Variants in MSL2 observed in about 807,000 individuals in gnomAD.
The protein encoded by MSL2 is E3 ubiquitin-protein ligase MSL2.
A neutral mutation model predicts 35.8 loss-of-function variants in MSL2; 2 were observed. That is an observed-to-expected ratio of 0.06 (90% CI 0.02 to 0.18). MSL2 has a LOEUF of 0.18. Among genes scored for constraint, MSL2 ranks in the 10% least tolerant of loss-of-function variants. The pLI is 1.00. For missense variants in MSL2, 523 were observed against 706.7 expected (o/e 0.74, Z 2.95); for synonymous variants, 296 against 255.7 (o/e 1.16, Z -1.50).
chr3:136,158,954 G>A (rs747075683), intron 1 of MSL2, among the ~76,000 whole-genome samples: 1 of 152,164 alleles, frequency 6.6e-6, no homozygotes, highest in East Asian at 1.9e-4. Flanking sequence ...AAATTAAAGA[G>A]TATCTAAACA....
At chr3:136,177,960 T>G (rs188438771) in intron 1 of MSL2, among the ~76,000 whole-genome samples, 1 of 152,202 alleles carries the variant, frequency 6.6e-6, no homozygotes, top group Non-Finnish European at 1.5e-5. Context: ...TAATTTTGTA[T>G]TGAATCATCT....
chr3:136,168,840 G>A (rs1274458103), intron 1 of MSL2, among the ~76,000 whole-genome samples: 1 of 151,728 alleles, frequency 6.6e-6, no homozygotes, highest in African/African-American at 2.4e-5. Flanking sequence ...AGCAATTACT[G>A]TTCAATGAGA....
At chr3:136,181,556 T>C (rs1248062460) in intron 1 of MSL2, among the ~76,000 whole-genome samples, 3 of 152,026 alleles carry the variant, frequency 2.0e-5, no homozygotes, top group Non-Finnish European at 4.4e-5. Context: ...GGTGAAGAAA[T>C]TGTTCTAAAG....
chr3:136,151,234 T>C lies in MSL2; in HGVS notation c.1647A>G (p.Thr549=). 6.2e-7 allele frequency: 1 copy of C among 1,614,232 alleles called. No individual in the cohort carries two copies. The highest frequency in any genetic ancestry group is 8.5e-7 in the Non-Finnish European group (1 of 1,180,036). The change falls in exon 2 of 2, where the codon ACA becomes ACG. Residue 549 remains threonine (T), a synonymous_variant. Coordinates refer to ENST00000309993, the MANE Select transcript of MSL2 (RefSeq NM_018133.4). This position sits in a 1 kb window ranked among gnomAD's most constrained non-coding sequence, Gnocchi z 5.2. The stretch of plus-strand genomic sequence containing the variant: ...CTAAAAACGTCGTTACTGGGGACCC[T>C]GTGACATTTATTACACTGGTGCTGG... The part of the protein sequence containing the change: ...ASTSTSVINV[T]GSPVTTFLAA...
At chr3:136,194,102 A>T (rs750736117) in intron 1 of MSL2, among the ~76,000 whole-genome samples, 1 of 152,268 alleles carries the variant, frequency 6.6e-6, no homozygotes, top group African/African-American at 2.4e-5. Context: ...AGGATAGAAT[A>T]TTAAGTGGAG....
intron 1 of MSL2, among the ~76,000 whole-genome samples, chr3:136,159,563 G>A (rs1939641563): frequency 6.7e-6 from 1 of 149,598 alleles, no homozygotes; most frequent in East Asian, 2.0e-4. Context: ...GTAGAGACGA[G>A]GTTTCACCGT....
At chr3:136,171,959 T>A (rs1333579426) in intron 1 of MSL2, among the ~76,000 whole-genome samples, 1 of 152,166 alleles carries the variant, frequency 6.6e-6, no homozygotes, top group Non-Finnish European at 1.5e-5. Flanking sequence ...TGCAGTGTCA[T>A]GGCTCATCGT....
At chr3:136,175,359 AGT>A (rs1940144527) in intron 1 of MSL2, among the ~76,000 whole-genome samples, 1 of 147,850 alleles carries the variant, frequency 6.8e-6, no homozygotes, top group Admixed American at 6.7e-5. Flanking sequence ...AAAAAAAAAA[AGT>A]GGGAGAATAC....
At chr3:136,186,472 G>A (rs564603947) in intron 1 of MSL2, among the ~76,000 whole-genome samples, 1 of 152,306 alleles carries the variant, frequency 6.6e-6, no homozygotes, top group Admixed American at 6.5e-5. Flanking sequence ...AAGTGAGCAG[G>A]AAGTGAACTG....
rs779316763 is a variant in MSL2, at chr3:136,149,601, GAAAAA to G, written c.*1541_*1545del. 1.3e-4 allele frequency: 3 copies of G among 23,804 alleles called. No individual in the cohort carries two copies. Among genetic ancestry groups the G allele is most frequent in the African/African-American group, 5.1e-4 (3 of 5,884 alleles). The allele number at this position is 23,804 out of a possible 1,614,324, so 1.5% of individuals were successfully genotyped here. On this transcript the variant is annotated 3_prime_UTR_variant, in exon 2 of 2. Transcript: ENST00000309993. ...CCAAAAGAGACCAAAAAAAAAAAAA[GAAAAA>G]AAAGCCCAACAACAACAACAAAAAC... is the stretch of plus-strand genomic sequence containing the variant.
At chr3:136,176,962 G>A (rs1394903556) in intron 1 of MSL2, among the ~76,000 whole-genome samples, 1 of 152,180 alleles carries the variant, frequency 6.6e-6, no homozygotes, top group Non-Finnish European at 1.5e-5. Context: ...AAAGAGAAAT[G>A]AACTTGAGAC....
At chr3:136,184,307 T>C (rs1337924866) in intron 1 of MSL2, among the ~76,000 whole-genome samples, 1 of 148,324 alleles carries the variant, frequency 6.7e-6, no homozygotes, top group Admixed American at 6.8e-5. Context: ...AAAAAAGAAT[T>C]CTATGGTTCT....
chr3:136,182,729 A>G lies in MSL2; in HGVS notation c.142+12243T>C, dbSNP rs939859044. Among the ~76,000 whole-genome samples the G allele has an allele frequency of 7.2e-5, 11 of 152,238 alleles. No individual in the cohort carries two copies. The South Asian group carries it at 8.3e-4, about 11-fold the overall frequency. On this transcript the variant is annotated intron_variant, in intron 1 of 1. Transcript: ENST00000309993. ...AGACTCCGTCTCAAAAAAAAAAAAA[A>G]AGAGAAAGAAGTCCAGAGTGGTGTA...
intron 1 of MSL2, among the ~76,000 whole-genome samples, chr3:136,187,118 T>C (rs1353637475): frequency 6.6e-6 from 1 of 152,230 alleles, no homozygotes; most frequent in Non-Finnish European, 1.5e-5. Context: ...TTTTATCAAG[T>C]ACATGTTATG....
chr3:136,176,078 A>C (rs929561147), intron 1 of MSL2, among the ~76,000 whole-genome samples: 1 of 152,252 alleles, frequency 6.6e-6, no homozygotes, highest in Admixed American at 6.5e-5. Context: ...CCAAACAAAA[A>C]CGACTATACC....
intron 1 of MSL2, among the ~76,000 whole-genome samples, chr3:136,173,677 A>G (rs1940092080): frequency 6.6e-6 from 1 of 152,128 alleles, no homozygotes; most frequent in African/African-American, 2.4e-5. Flanking sequence ...GCCTTACCTA[A>G]TCAATTCATC....
At chr3:136,186,458 C>A (rs1188859217) in intron 1 of MSL2, among the ~76,000 whole-genome samples, 1 of 152,186 alleles carries the variant, frequency 6.6e-6, no homozygotes, top group Non-Finnish European at 1.5e-5. Flanking sequence ...GGCTGCACAG[C>A]AGGAAGTGAG....
intron 1 of MSL2, among the ~76,000 whole-genome samples, chr3:136,168,371 C>A (rs1939911416): frequency 6.6e-6 from 1 of 152,026 alleles, no homozygotes; most frequent in Admixed American, 6.6e-5. Context: ...TTAAAATACT[C>A]AAAAAAATTA....
At position 136,152,153 on chromosome 3, in the gene MSL2, GCTA is replaced by G; in HGVS notation, c.725_727del (p.Val242del). 1 of 1,614,154 alleles carries G rather than the reference GCTA, an allele frequency of 6.2e-7. No homozygotes were observed. Among genetic ancestry groups the G allele is most frequent in the Non-Finnish European group, 8.5e-7 (1 of 1,180,028 alleles). ...AATGCCTGTGGAACATAAGTCAGTG[GCTA>G]CTGTGTCACAAACGGGTGGCAGGCT... On this transcript the variant is annotated inframe_deletion, in exon 2 of 2. Transcript: ENST00000309993.
Sources: allele counts gnomAD v4.1 joint callset (sites outside exome capture counted in the v4.1 genomes callset), GRCh38; gene constraint gnomAD v4.1.1; non-coding constraint Gnocchi (gnomAD v3.1); transcripts MANE v1.5; gene names NCBI Gene and HGNC (gene_info 2026-07-23, HGNC 2026-07-21).